The following SUPT3H variants were observed in gnomAD, a reference collection of about 807,000 sequenced individuals.
The protein encoded by SUPT3H is SPT3 homolog, SAGA and STAGA complex component, also known as transcription initiation protein SPT3 homolog.
In SUPT3H, 44 loss-of-function variants were observed where a neutral mutation model predicts 44.3. The ratio of observed to expected loss-of-function variants is 0.99; its 90% CI spans 0.78 to 1.28. SUPT3H has a LOEUF of 1.28. SUPT3H is among the 50% of genes most tolerant of loss of function. The pLI is 0.00. For synonymous variants in SUPT3H, 124 were observed against 125.6 expected (o/e 0.99, Z 0.09); for missense variants, 380 against 387.1 (o/e 0.98, Z 0.15).
At chr6:45,065,460 C>T (rs1411082021) in intron 3 of SUPT3H, among the ~76,000 whole-genome samples, 4 of 149,304 alleles carry the variant, frequency 2.7e-5, no homozygotes, top group African/African-American at 9.9e-5. Flanking sequence ...TAACTAAAAT[C>T]AGAGCAGAAC....
chr6:45,342,425 A>T (rs1789986578), intron 2 of SUPT3H, among the ~76,000 whole-genome samples: 1 of 152,018 alleles, frequency 6.6e-6, no homozygotes, highest in South Asian at 2.1e-4. Context: ...CCACGCCCAG[A>T]TAATTTTGTA....
intron 9 of SUPT3H, among the ~76,000 whole-genome samples, chr6:44,946,152 C>A (rs1773307269): frequency 6.6e-6 from 1 of 152,086 alleles, no homozygotes; most frequent in African/African-American, 2.4e-5. Flanking sequence ...AGTGTTGAGA[C>A]CTACTATTCA....
chr6:44,813,345 C>A (rs561772898), intron 11 of SUPT3H, among the ~76,000 whole-genome samples: 1 of 152,056 alleles, frequency 6.6e-6, no homozygotes, highest in Non-Finnish European at 1.5e-5. Flanking sequence ...CATGCCACCA[C>A]GCCCAGTTAA....
intron 7 of SUPT3H, among the ~76,000 whole-genome samples, chr6:44,956,149 A>ACCAC (rs1775124170): frequency 6.7e-6 from 1 of 149,282 alleles, no homozygotes; most frequent in South Asian, 2.1e-4. Flanking sequence ...GTAACTAAAC[A>ACCAC]CCACCGGTTC....
intron 3 of SUPT3H, among the ~76,000 whole-genome samples, chr6:45,036,182 C>G (rs948311210): frequency 5.9e-5 from 9 of 152,082 alleles, no homozygotes; most frequent in African/African-American, 1.7e-4. Flanking sequence ...CTTGCAATGT[C>G]ATAATAACTG....
At chr6:44,940,804 T>C (rs1772283310) in intron 9 of SUPT3H, among the ~76,000 whole-genome samples, 1 of 152,156 alleles carries the variant, frequency 6.6e-6, no homozygotes, top group African/African-American at 2.4e-5. Flanking sequence ...ATTCCTTTAT[T>C]ATTATGTAGT....
At chr6:45,341,676 C>T (rs1789809021) in intron 2 of SUPT3H, among the ~76,000 whole-genome samples, 1 of 152,080 alleles carries the variant, frequency 6.6e-6, no homozygotes, top group Non-Finnish European at 1.5e-5. Context: ...AATGTATACA[C>T]ATGAAAATAA....
At chr6:45,141,726 C>T (rs900993428) in intron 2 of SUPT3H, among the ~76,000 whole-genome samples, 8 of 152,172 alleles carry the variant, frequency 5.3e-5, no homozygotes, top group African/African-American at 1.9e-4. Context: ...GAGATTAAAA[C>T]AGTAATAAAA....
intron 2 of SUPT3H, among the ~76,000 whole-genome samples, chr6:45,230,829 T>C (rs1405155211): frequency 2.6e-5 from 4 of 151,386 alleles, no homozygotes; most frequent in Non-Finnish European, 5.9e-5. Context: ...TGTGCCACCA[T>C]GCCTGGCTAA....
rs550176232 is a variant in SUPT3H, at chr6:44,904,570, A to G, written c.912+28083T>C. ...CCATGCTCATGGATAGGAAGAATCA[A>G]TATCATGAAAATGGCCATACTGCCC... is the stretch of plus-strand genomic sequence containing the variant. On this transcript the variant is annotated intron_variant, in intron 10 of 10. Coordinates refer to ENST00000371459, the MANE Select transcript of SUPT3H (RefSeq NM_003599.4). Among the ~76,000 whole-genome samples, 18 of 152,356 alleles carry G rather than the reference A, an allele frequency of 1.2e-4. 1 individual carries two copies. The East Asian group carries it at 1.9e-3, about 16-fold the overall frequency.
In SUPT3H at chr6:44,975,063, C is replaced by T. The variant is rs191282226; in HGVS notation, c.505-13235G>A. Among the ~76,000 whole-genome samples, 1,233 of 152,044 alleles carry T rather than the reference C, an allele frequency of 8.1e-3. 52 individuals are homozygous for T. The highest frequency in any genetic ancestry group is 0.075 in the Admixed American group (1,140 of 15,256). On this transcript the variant is annotated intron_variant, in intron 6 of 10. Transcript: ENST00000371459. ...GTGGGTGCCTGTAATCCTAGCTAGT[C>T]GGGAGGTTGAGGCAGGGGAATCACT...
chr6:45,233,029 C>T (rs999887435), intron 2 of SUPT3H, among the ~76,000 whole-genome samples: 1 of 152,002 alleles, frequency 6.6e-6, no homozygotes, highest in Admixed American at 6.6e-5. Context: ...TGTGCTAGGC[C>T]GAGCACACAG....
intron 6 of SUPT3H, among the ~76,000 whole-genome samples, chr6:45,001,666 T>G (rs1292345577): frequency 1.3e-5 from 2 of 152,058 alleles, no homozygotes; most frequent in African/African-American, 4.8e-5. Context: ...TGTTGGTAGG[T>G]CTATACCATT....
intron 2 of SUPT3H, among the ~76,000 whole-genome samples, chr6:45,300,785 G>C (rs1313822492): frequency 6.6e-6 from 1 of 151,640 alleles, no homozygotes; most frequent in Non-Finnish European, 1.5e-5. Flanking sequence ...TTTTTTAAAG[G>C]GCTGGGGAAA....
chr6:44,851,832 C>A (rs2153421750), intron 10 of SUPT3H, among the ~76,000 whole-genome samples: 1 of 152,204 alleles, frequency 6.6e-6, no homozygotes, highest in East Asian at 1.9e-4. Flanking sequence ...GCTCATTGAG[C>A]CCCTGATCAA....
intron 3 of SUPT3H, among the ~76,000 whole-genome samples, chr6:45,034,445 A>G (rs1787389504): frequency 6.6e-6 from 1 of 152,172 alleles, no homozygotes; most frequent in South Asian, 2.1e-4. Context: ...AGTGTCATAT[A>G]AGTCTTTAGA....
At chr6:45,284,647 C>A (rs147660817) in intron 2 of SUPT3H, among the ~76,000 whole-genome samples, 2,663 of 152,232 alleles carry the variant, frequency 0.017, 50 homozygotes, top group South Asian at 0.085. Context: ...GGATTCACAG[C>A]CAAATTCTAC....
At chr6:44,925,519 T>C (rs938210367) in intron 10 of SUPT3H, among the ~76,000 whole-genome samples, 1 of 152,218 alleles carries the variant, frequency 6.6e-6, no homozygotes, top group African/African-American at 2.4e-5. Flanking sequence ...CAGATGGGAT[T>C]ATGTCATCAC....
chr6:45,145,084 C>T (rs1805824734), intron 2 of SUPT3H, among the ~76,000 whole-genome samples: 1 of 152,068 alleles, frequency 6.6e-6, no homozygotes, highest in African/African-American at 2.4e-5. Flanking sequence ...TGAACATGAG[C>T]ATACTGCCAA....
Sources: allele counts gnomAD v4.1 joint callset (sites outside exome capture counted in the v4.1 genomes callset), GRCh38; gene constraint gnomAD v4.1.1; transcripts MANE v1.5; gene names NCBI Gene and HGNC (gene_info 2026-07-23, HGNC 2026-07-21).